CDH18: variants seen among roughly 807,000 people sequenced by gnomAD.
The protein encoded by CDH18 is cadherin 18, also known as cadherin-18.
In CDH18, 31 loss-of-function variants were observed where a neutral mutation model predicts 67.9. The observed-to-expected ratio is 0.46, with a 90% CI of 0.34 to 0.62. The LOEUF (loss-of-function observed/expected upper bound fraction) is 0.62. Among genes scored for constraint, CDH18 ranks in the 20% least tolerant of loss-of-function variants. The pLI is 0.01. For synonymous variants in CDH18, 362 were observed against 347.2 expected (o/e 1.04, Z -0.48); for missense variants, 890 against 975.5 (o/e 0.91, Z 1.17).
rs148257842 is a variant in CDH18 at position 20,144,637 on chromosome 5, G to A, written c.-518+110807C>T. On this transcript the variant is annotated intron_variant, in intron 2 of 14. Coordinates refer to the CDH18 transcript ENST00000507958. ...GGGAGTGTTGGCATGGTGTGAATGT[G>A]TCTTGCATGTGAGAAGGGCATAAAT... 6.2e-4 allele frequency among the ~76,000 whole-genome samples: 95 copies of A among 152,222 alleles called. No homozygotes were observed. In the South Asian group the frequency reaches 0.017, roughly 27 times the overall value.
At chr5:20,067,169 A>G (rs1743051960) in intron 2 of CDH18, among the ~76,000 whole-genome samples, 1 of 151,896 alleles carries the variant, frequency 6.6e-6, no homozygotes, top group Admixed American at 6.6e-5. Flanking sequence ...TTGCCATTTT[A>G]TATCAGTGAC....
At chr5:20,285,575 T>A (rs1746637779) in intron 1 of CDH18, among the ~76,000 whole-genome samples, 1 of 151,450 alleles carries the variant, frequency 6.6e-6, no homozygotes, top group African/African-American at 2.4e-5. Flanking sequence ...AGTGTATTTA[T>A]AAAGAAGAAC....
chr5:20,304,605 C>A, intron 1 of CDH18: 2 of 1,611,896 alleles, frequency 1.2e-6, no homozygotes, highest in South Asian at 2.2e-5. Flanking sequence ...TTAATGAGCC[C>A]AAAACAGAGC....
rs528561538 is a variant in CDH18, at chr5:20,286,457, C to T, written c.-579-30952G>A. On this transcript the variant is annotated intron_variant, in intron 1 of 14. Transcript: ENST00000507958. ...AGTAGTAATTTAAATTACCATCATG[C>T]ATATATTTTAATTGCAAAAAGAACA... Among the ~76,000 whole-genome samples, 344 of 151,582 alleles carry T rather than the reference C, an allele frequency of 2.3e-3. 1 individual carries two copies. The highest frequency in any genetic ancestry group is 3.4e-3 in the Middle Eastern group (1 of 290).
chr5:19,751,846 G>A (rs1157670753), intron 3 of CDH18, among the ~76,000 whole-genome samples: 1 of 152,146 alleles, frequency 6.6e-6, no homozygotes, highest in Non-Finnish European at 1.5e-5. Context: ...GGACTGGATT[G>A]CAGCTATAAC....
intron 1 of CDH18, among the ~76,000 whole-genome samples, chr5:20,500,227 C>T (rs896814862): frequency 1.3e-5 from 2 of 152,108 alleles, no homozygotes; most frequent in African/African-American, 4.8e-5. Flanking sequence ...ATTGCTGGTG[C>T]TATTTTCTGG....
intron 2 of CDH18, among the ~76,000 whole-genome samples, chr5:19,978,917 T>C (rs1393371165): frequency 6.6e-6 from 1 of 152,138 alleles, no homozygotes; most frequent in Non-Finnish European, 1.5e-5. Flanking sequence ...TGCCATGTAA[T>C]ATAATCACAA....
intron 3 of CDH18, among the ~76,000 whole-genome samples, chr5:19,798,253 A>C (rs564710439): frequency 6.3e-4 from 96 of 152,180 alleles, no homozygotes; most frequent in Non-Finnish European, 1.3e-3. Flanking sequence ...CAAGGATAAC[A>C]TCCTGGTTCT....
At chr5:20,140,062 C>T (rs1209545563) in intron 2 of CDH18, among the ~76,000 whole-genome samples, 1 of 152,144 alleles carries the variant, frequency 6.6e-6, no homozygotes, top group African/African-American at 2.4e-5. Flanking sequence ...AGACTTGGAA[C>T]CAACCCAAAT....
intron 2 of CDH18, among the ~76,000 whole-genome samples, chr5:20,088,737 A>G (rs1372837502): frequency 6.6e-6 from 1 of 152,156 alleles, no homozygotes; most frequent in Non-Finnish European, 1.5e-5. Flanking sequence ...CCTCTTCTCT[A>G]TATTTTGTAG....
chr5:19,989,493 C>T (rs192080955), upstream of CDH18, among the ~76,000 whole-genome samples: 404 of 152,266 alleles, frequency 2.7e-3, 3 homozygotes, highest in African/African-American at 9.2e-3. Context: ...CAGGAGGCCA[C>T]TCTAAAACCT....
chr5:20,281,536 C>A (rs557620217), intron 1 of CDH18, among the ~76,000 whole-genome samples: 4 of 152,212 alleles, frequency 2.6e-5, no homozygotes, highest in African/African-American at 9.6e-5. Context: ...GGCATTATTT[C>A]TGAGGGCTCT....
At chr5:19,771,172 T>C (rs1224425520) in intron 3 of CDH18, among the ~76,000 whole-genome samples, 1 of 152,204 alleles carries the variant, frequency 6.6e-6, no homozygotes, top group Admixed American at 6.5e-5. Flanking sequence ...CTCTAATGTG[T>C]ACTGTCTCCT....
At chr5:19,720,792 T>G (rs78758253) in intron 5 of CDH18, among the ~76,000 whole-genome samples, 1 of 152,194 alleles carries the variant, frequency 6.6e-6, no homozygotes, top group African/African-American at 2.4e-5. Context: ...ATTTTAATTC[T>G]TTTTTGGTAA....
intron 1 of CDH18, among the ~76,000 whole-genome samples, chr5:20,440,062 A>G (rs983103340): frequency 6.6e-6 from 1 of 151,824 alleles, no homozygotes; most frequent in African/African-American, 2.4e-5. Context: ...ATTTGTGAAT[A>G]CACACTATGA....
chr5:19,843,573 C>T (rs1432486074), intron 2 of CDH18, among the ~76,000 whole-genome samples: 1 of 152,206 alleles, frequency 6.6e-6, no homozygotes, highest in Non-Finnish European at 1.5e-5. Flanking sequence ...GGTCGGACCC[C>T]CGACATAGAG....
chr5:19,590,484 G>GGATAGATAGACA (rs1744922275), intron 7 of CDH18, among the ~76,000 whole-genome samples: 2 of 149,702 alleles, frequency 1.3e-5, no homozygotes, highest in Non-Finnish European at 3.0e-5. Flanking sequence ...CTAGACAGAT[G>GGATAGATAGACA]GATAGATAGA....
At chr5:20,482,109 C>T (rs1038954063) in intron 1 of CDH18, among the ~76,000 whole-genome samples, 5 of 151,702 alleles carry the variant, frequency 3.3e-5, no homozygotes, top group South Asian at 2.1e-4. Context: ...GGAGACATTA[C>T]GATTGAAACT....
rs113761559 is a variant in CDH18, at chr5:20,467,605, T to C, written c.-580+107857A>G. ...AAATATTTATGTGATGAATTTGGCA[T>C]TCACTCTAATGTAATGACTTTTTCA... On this transcript the variant is annotated intron_variant, in intron 1 of 14. Coordinates refer to the CDH18 transcript ENST00000507958. Among the ~76,000 whole-genome samples, 69 of 152,326 alleles carry C rather than the reference T, an allele frequency of 4.5e-4. 2 individuals carry two copies. The highest frequency in any genetic ancestry group is 1.4e-3 in the African/African-American group (60 of 41,576).
Sources: gnomAD v4.1 joint callset for allele counts (sites outside exome capture counted in the v4.1 genomes callset) on GRCh38, gnomAD v4.1.1 for gene constraint, MANE v1.5 for transcripts, NCBI Gene and HGNC (gene_info 2026-07-23, HGNC 2026-07-21) for gene names.